Variants in NFIC observed in about 807,000 individuals in gnomAD.
NFIC encodes nuclear factor 1 C-type.
A neutral mutation model predicts 54.4 loss-of-function variants in NFIC; 12 were observed. The ratio of observed to expected loss-of-function variants is 0.22; its 90% CI spans 0.14 to 0.36. The LOEUF (loss-of-function observed/expected upper bound fraction) is 0.36. Among genes scored for constraint, NFIC ranks in the 10% least tolerant of loss-of-function variants. NFIC has a pLI of 1.00. For synonymous variants in NFIC, 322 were observed against 319.2 expected (o/e 1.01, Z -0.09); for missense variants, 575 against 718.2 (o/e 0.80, Z 2.28).
intron 2 of NFIC, among the ~76,000 whole-genome samples, chr19:3,420,954 C>G (rs553857161): frequency 2.6e-5 from 4 of 152,284 alleles, no homozygotes; most frequent in South Asian, 4.1e-4. Flanking sequence ...AACTCCTGAC[C>G]TTAGGTGATC....
chr19:3,362,520 C>A (rs1335028620), upstream of NFIC, among the ~76,000 whole-genome samples: 1 of 151,128 alleles, frequency 6.6e-6, no homozygotes, highest in Non-Finnish European at 1.5e-5. Context: ...TGAGTCTGTG[C>A]GTGTATTTGT....
chr19:3,374,652 A>T (rs2081074343), intron 1 of NFIC, among the ~76,000 whole-genome samples: 1 of 152,054 alleles, frequency 6.6e-6, no homozygotes, highest in Non-Finnish European at 1.5e-5. Flanking sequence ...GAAGGAGGGG[A>T]CACTAGAGAT....
chr19:3,415,031 G>T (rs1194187823), intron 2 of NFIC, among the ~76,000 whole-genome samples: 1 of 151,862 alleles, frequency 6.6e-6, no homozygotes, highest in South Asian at 2.1e-4. Context: ...GTAGAGACGG[G>T]GTTTCTCCAT....
At position 3,401,632 on chromosome 19, in the gene NFIC, C is replaced by T. The variant is rs150231124; in HGVS notation, c.562+19389C>T. On this transcript the variant is annotated intron_variant, in intron 2 of 10. Coordinates refer to ENST00000443272, the MANE Select transcript of NFIC (RefSeq NM_001245002.2). Reference sequence around the variant, plus strand: ...TAGCGGGCAAGCTGGGATATGGGTCCTGGTGCCCGGGAGGCCCGTGGGGCT... The same window carrying T: ...TAGCGGGCAAGCTGGGATATGGGTCTTGGTGCCCGGGAGGCCCGTGGGGCT... Among the ~76,000 whole-genome samples the T allele has an allele frequency of 7.7e-4, 118 of 152,332 alleles. 2 individuals are homozygous for T. In the East Asian group the frequency reaches 0.021, roughly 27 times the overall value.
intron 2 of NFIC, among the ~76,000 whole-genome samples, chr19:3,385,337 T>C (rs1388247315): frequency 1.3e-5 from 2 of 151,930 alleles, no homozygotes; most frequent in African/African-American, 4.8e-5. Context: ...ACCCTCTCTG[T>C]GCTTCATTTC....
intron 2 of NFIC, among the ~76,000 whole-genome samples, chr19:3,412,762 T>C: frequency 6.6e-6 from 1 of 152,122 alleles, no homozygotes; most frequent in East Asian, 1.9e-4. Context: ...CATGCAGATG[T>C]CGTTATAATT....
rs543645193 is a variant in NFIC at position 3,381,698 on chromosome 19, T to C, written c.31-14T>C. ...TCCCTGGCGCTCCTGACCTCTCGCC[T>C]CTCCGGCCTGCAGGATGAGTTCCAC... is the stretch of plus-strand genomic sequence containing the variant. On this transcript the variant is annotated splice_polypyrimidine_tract_variant and intron_variant, in intron 1 of 10. Transcript: ENST00000443272. 1.6e-4 allele frequency: 252 copies of C among 1,612,642 alleles called. 1 individual carries two copies. In the South Asian group the frequency reaches 2.6e-3, roughly 17 times the overall value.
In NFIC at chr19:3,464,293, C is replaced by T. The variant is rs929684374; in HGVS notation, c.*1524C>T. The T allele has an allele frequency of 1.0e-5, 10 of 985,196 alleles. No homozygotes were observed. The African/African-American group carries it at 1.7e-4, about 17-fold the overall frequency. The allele number at this position is 985,196 out of a possible 1,614,324, so 61.0% of individuals were successfully genotyped here. A position where few individuals can be genotyped will look rare whatever the true frequency, so the allele number is the denominator to read the frequency against. On this transcript the variant is annotated 3_prime_UTR_variant, in exon 11 of 11. Coordinates refer to ENST00000443272, the MANE Select transcript of NFIC (RefSeq NM_001245002.2). Reference sequence around the variant, plus strand: ...GGAGGGTTTTCGGGGGGTTCGGCGTCGCACCTTGGGGCCCCCCGCAGCCGT... The same window carrying T: ...GGAGGGTTTTCGGGGGGTTCGGCGTTGCACCTTGGGGCCCCCCGCAGCCGT...
intron 9 of NFIC, among the ~76,000 whole-genome samples, chr19:3,455,537 CAG>C (rs1414116289): frequency 2.0e-5 from 3 of 149,202 alleles, no homozygotes; most frequent in African/African-American, 7.4e-5. Flanking sequence ...AGGATCCACT[CAG>C]GGCTCAGTGG....
At chr19:3,384,475 A>T (rs1472960830) in intron 2 of NFIC, among the ~76,000 whole-genome samples, 1 of 149,114 alleles carries the variant, frequency 6.7e-6, no homozygotes, top group East Asian at 2.0e-4. Flanking sequence ...TGCAATCTCC[A>T]CCTCCCAGGT....
intron 1 of NFIC, among the ~76,000 whole-genome samples, chr19:3,360,503 C>T (rs1386907049): frequency 6.6e-6 from 1 of 151,900 alleles, no homozygotes; most frequent in African/African-American, 2.4e-5. Context: ...GCGTGGGAGC[C>T]CCTGCGCTCC....
intron 3 of NFIC, among the ~76,000 whole-genome samples, chr19:3,428,449 C>CAA (rs562591211): frequency 1.6e-5 from 2 of 125,756 alleles, no homozygotes; most frequent in African/African-American, 5.8e-5. Context: ...GAGACTGTCT[C>CAA]AAAAAAAAAA....
Position 3,466,493 on chromosome 19 carries a change from C to G in NFIC, c.*3724C>G, listed in dbSNP as rs541206445. ...TGGTCTCCACAGCCACCATCATACA[C>G]TCATCCCGTGTTTTCTTCCAAAAAG... On this transcript the variant is annotated 3_prime_UTR_variant, in exon 11 of 11. Transcript: ENST00000443272. The surrounding 1 kb of genome is among the most constrained non-coding windows in gnomAD (Gnocchi z 4.8). 9.2e-5 allele frequency: 14 copies of G among 152,398 alleles called. No homozygotes were observed. The highest frequency in any genetic ancestry group is 2.6e-4 in the Admixed American group (4 of 15,300). 9.4% of individuals were successfully genotyped at this position (152,398 alleles called of 1,614,324 possible).
At chr19:3,407,624 G>A (rs1346485652) in intron 2 of NFIC, among the ~76,000 whole-genome samples, 1 of 151,596 alleles carries the variant, frequency 6.6e-6, no homozygotes, top group African/African-American at 2.4e-5. Context: ...TAGCAGAGAC[G>A]AGGTTTCCGC....
At chr19:3,456,671 G>C in intron 10 of NFIC, 36 bp downstream of exon 10, 1 of 1,433,392 alleles carries the variant, frequency 7.0e-7, no homozygotes, top group Non-Finnish European at 9.6e-7. Flanking sequence ...GGGTGGGAGG[G>C]GCAGGGCAGA....
In NFIC at chr19:3,462,941, A is replaced by G; in HGVS notation, c.*172A>G. On this transcript the variant is annotated 3_prime_UTR_variant, in exon 11 of 11. Transcript: ENST00000443272. ...ACATAGACGCACACACTCAGGAGGA[A>G]AAGAAAAAACAAAGGCAGAAGAAGA... is the stretch of plus-strand genomic sequence containing the variant. The G allele has an allele frequency of 6.9e-7, 1 of 1,453,718 alleles. No individual in the cohort carries two copies. Among genetic ancestry groups the G allele is most frequent in the Non-Finnish European group, 9.0e-7 (1 of 1,109,192 alleles). 90.1% of individuals were successfully genotyped at this position (1,453,718 alleles called of 1,614,324 possible).
chr19:3,402,494 A>C (rs531528556), intron 2 of NFIC, among the ~76,000 whole-genome samples: 5 of 152,320 alleles, frequency 3.3e-5, no homozygotes, highest in African/African-American at 1.2e-4. Context: ...GCCTTATTCT[A>C]GCCACTGAGG....
chr19:3,413,014 C>A (rs977286402), intron 2 of NFIC, among the ~76,000 whole-genome samples: 1 of 152,208 alleles, frequency 6.6e-6, no homozygotes, highest in African/African-American at 2.4e-5. Context: ...AGGGCCCAGC[C>A]TGGGGCTCAC....
chr19:3,409,083 T>A (rs1486002832), intron 2 of NFIC, among the ~76,000 whole-genome samples: 2 of 152,098 alleles, frequency 1.3e-5, no homozygotes, highest in Non-Finnish European at 2.9e-5. Flanking sequence ...ACATCACTCC[T>A]CTTCCCACTG....
Sources: gnomAD v4.1 joint callset for allele counts (sites outside exome capture counted in the v4.1 genomes callset) on GRCh38, gnomAD v4.1.1 for gene constraint, Gnocchi (gnomAD v3.1) non-coding constraint, MANE v1.5 for transcripts, NCBI Gene and HGNC (gene_info 2026-07-23, HGNC 2026-07-21) for gene names.